FCRL1: variants seen among roughly 807,000 people sequenced by gnomAD.
FCRL1 encodes Fc receptor-like protein 1.
Under a neutral mutation model 49.2 loss-of-function variants are expected in FCRL1, and 34 were observed. That is an observed-to-expected ratio of 0.69 (90% CI 0.53 to 0.92). The LOEUF is 0.92. Ranked by LOEUF, FCRL1 falls within the 40% of genes least tolerant of loss-of-function variation. The pLI is 0.00. For synonymous variants in FCRL1, 218 were observed against 201.6 expected (o/e 1.08, Z -0.69); for missense variants, 524 against 524.1 (o/e 1.00, Z 0.00).
rs890399450 is a variant in FCRL1 at position 157,803,771 on chromosome 1, A to C, written c.319+74T>G. ...TCCTACTCTTGCAGAGATAGAACCC[A>C]TAACAGTGAGGATTAGCCTCTTGCC... On this transcript the variant is annotated intron_variant, in intron 3 of 10. Coordinates refer to ENST00000368176, the MANE Select transcript of FCRL1 (RefSeq NM_052938.5). The C allele has an allele frequency of 3.9e-6, 6 of 1,550,004 alleles. No individual in the cohort carries two copies. The African/African-American group carries it at 6.8e-5, about 18-fold the overall frequency.
rs1275456532 is a variant in FCRL1, at chr1:157,794,760, T to C, written c.*1339A>G. On this transcript the variant is annotated 3_prime_UTR_variant, in exon 11 of 11. Transcript: ENST00000368176. ...TACTTAATGCCACTGAATTGTACACTTAAAAATGGTTAAAATGATCAATTT... is the reference window on the plus strand; with the variant it reads ...TACTTAATGCCACTGAATTGTACACCTAAAAATGGTTAAAATGATCAATTT... The C allele has an allele frequency of 6.6e-6, 1 of 152,152 alleles. No individual in the cohort carries two copies. Among genetic ancestry groups the C allele is most frequent in the African/African-American group, 2.4e-5 (1 of 41,430 alleles). 9.4% of individuals were successfully genotyped at this position (152,152 alleles called of 1,614,324 possible).
chr1:157,812,512 C>T (rs546344993), intron 1 of FCRL1, among the ~76,000 whole-genome samples: 1 of 152,156 alleles, frequency 6.6e-6, no homozygotes, highest in African/African-American at 2.4e-5. Context: ...TGATCTGCTT[C>T]CCAGTATCTG....
At chr1:157,816,441 C>T (rs930793908) in intron 1 of FCRL1, among the ~76,000 whole-genome samples, 2 of 151,774 alleles carry the variant, frequency 1.3e-5, no homozygotes, top group African/African-American at 4.8e-5. Context: ...AGAGATGTAC[C>T]TCAACATAAT....
At chr1:157,808,963 A>G (rs938552627) in intron 1 of FCRL1, among the ~76,000 whole-genome samples, 1 of 152,176 alleles carries the variant, frequency 6.6e-6, no homozygotes, top group Non-Finnish European at 1.5e-5. Context: ...GTTGTGGGGG[A>G]AAATAGGTTA....
chr1:157,813,667 G>A (rs975800033), intron 1 of FCRL1, among the ~76,000 whole-genome samples: 2 of 152,152 alleles, frequency 1.3e-5, no homozygotes, highest in African/African-American at 2.4e-5. Flanking sequence ...GTTTTGGAAA[G>A]CATATTTGAT....
At chr1:157,811,099 G>A (rs944078321) in intron 1 of FCRL1, among the ~76,000 whole-genome samples, 2 of 152,050 alleles carry the variant, frequency 1.3e-5, no homozygotes, top group Admixed American at 1.3e-4. Context: ...CTTTATAAAG[G>A]GAAACAGAAA....
intron 1 of FCRL1, among the ~76,000 whole-genome samples, chr1:157,810,271 G>A (rs1654112488): frequency 6.7e-6 from 1 of 150,286 alleles, no homozygotes; most frequent in Non-Finnish European, 1.5e-5. Context: ...AAGGGAGTGA[G>A]GGCATAAGTA....
chr1:157,807,048 C>G, intron 2 of FCRL1, 54 bp downstream of exon 2: 1 of 1,608,948 alleles, frequency 6.2e-7, no homozygotes, highest in Non-Finnish European at 8.5e-7. Flanking sequence ...CCTGTGCTGA[C>G]CTAAGTAACA....
At position 157,802,604 on chromosome 1, in the gene FCRL1, C is replaced by G; in HGVS notation, c.380G>C (p.Gly127Ala). 1.2e-6 allele frequency: 2 copies of G among 1,614,170 alleles called. No homozygotes were observed. The highest frequency in any genetic ancestry group is 1.7e-6 in the Non-Finnish European group (2 of 1,180,024). ...TQPPGGQVME[G>A]DRLVLICSVA... is the part of the protein sequence containing the mutation. ...TGAGCAGATGAGGACCAGCCTGTCT[C>G]CCTCCATCACCTGTCCTCCTGGGGG... Residue 127 changes from glycine (G) to alanine (A), a missense_variant, in exon 4 of 11, where the codon GGA becomes GCA. Physicochemically the swap from Gly to Ala is moderately conservative, Grantham distance 60. Transcript: ENST00000368176.
Position 157,801,544 on chromosome 1 carries a change from G to A in FCRL1, c.920C>T (p.Ser307Leu). The A allele has an allele frequency of 6.2e-7, 1 of 1,613,990 alleles. No individual in the cohort carries two copies. The highest frequency in any genetic ancestry group is 8.5e-7 in the Non-Finnish European group (1 of 1,179,932). Residue 307 changes from serine (S) to leucine (L), a missense_variant, in exon 6 of 11, where the codon TCA becomes TTA. By Grantham distance (145) the Ser-to-Leu change is moderately radical. Coordinates refer to ENST00000368176, the MANE Select transcript of FCRL1 (RefSeq NM_052938.5). ...PTGARSNHLT[S>L]GVIEGLLSTL... is the part of the protein sequence containing the mutation. ...GCTGAGCAGCCCCTCAATGACTCCT[G>A]AGGTAAGATGATTGCTTCTGGCCCC...
At chr1:157,812,801 A>G (rs922380029) in intron 1 of FCRL1, among the ~76,000 whole-genome samples, 2 of 152,122 alleles carry the variant, frequency 1.3e-5, no homozygotes, top group African/African-American at 2.4e-5. Context: ...TAGTACTACC[A>G]TGCCTGCCTG....
At chr1:157,814,881 G>A (rs1276105455) in intron 1 of FCRL1, among the ~76,000 whole-genome samples, 3 of 151,834 alleles carry the variant, frequency 2.0e-5, no homozygotes, top group South Asian at 2.1e-4. Context: ...ATAATGATAA[G>A]GGGGTGAATT....
intron 1 of FCRL1, among the ~76,000 whole-genome samples, chr1:157,809,154 A>ATT (rs1018181736): frequency 1.3e-5 from 2 of 152,238 alleles, no homozygotes; most frequent in African/African-American, 4.8e-5. Flanking sequence ...ATAAGCTTGC[A>ATT]TTTAAGCTTA....
chr1:157,803,232 T>C (rs1413199592), intron 3 of FCRL1, among the ~76,000 whole-genome samples: 1 of 152,252 alleles, frequency 6.6e-6, no homozygotes, highest in Non-Finnish European at 1.5e-5. Context: ...ATTGAGTTTT[T>C]AGCAAGCGTG....
intron 3 of FCRL1, among the ~76,000 whole-genome samples, chr1:157,802,954 T>C (rs1652781290): frequency 6.6e-6 from 1 of 152,180 alleles, no homozygotes; most frequent in East Asian, 1.9e-4. Flanking sequence ...AACAATAGTA[T>C]AGTGAAGTGA....
intron 1 of FCRL1, among the ~76,000 whole-genome samples, chr1:157,817,072 C>A (rs925270986): frequency 5.9e-5 from 9 of 151,614 alleles, no homozygotes; most frequent in African/African-American, 1.9e-4. Flanking sequence ...GTTAAAATGT[C>A]AATACTACCC....
rs1400707559 is a variant in FCRL1 at position 157,795,004 on chromosome 1, C to G, written c.*1095G>C. The G allele has an allele frequency of 6.6e-6, 1 of 152,162 alleles. No homozygotes were observed. The highest frequency in any genetic ancestry group is 6.5e-5 in the Admixed American group (1 of 15,276). 9.4% of individuals were successfully genotyped at this position (152,162 alleles called of 1,614,324 possible). A position where few individuals can be genotyped will look rare whatever the true frequency, so the allele number is the denominator to read the frequency against. Reference sequence around the variant, plus strand: ...AATAGAAAAATATCTAGAGAGCTACCTGTAAAGTTTTTAACAATAGTTAAC... The same window carrying G: ...AATAGAAAAATATCTAGAGAGCTACGTGTAAAGTTTTTAACAATAGTTAAC... On this transcript the variant is annotated 3_prime_UTR_variant, in exon 11 of 11. Transcript: ENST00000368176.
intron 5 of FCRL1, 85 bp from the exon 6 acceptor site, chr1:157,801,662 A>C: frequency 1.0e-6 from 1 of 998,324 alleles, no homozygotes; most frequent in Non-Finnish European, 1.5e-6. Context: ...GGTTGTGCCC[A>C]AGGTCTGCTC....
chr1:157,814,122 C>T (rs958837573), intron 1 of FCRL1, among the ~76,000 whole-genome samples: 5 of 152,088 alleles, frequency 3.3e-5, no homozygotes, highest in African/African-American at 9.7e-5. Flanking sequence ...ACAATAATTA[C>T]TCCACGAAAA....
Sources: gnomAD v4.1 joint callset for allele counts (sites outside exome capture counted in the v4.1 genomes callset) on GRCh38, gnomAD v4.1.1 for gene constraint, MANE v1.5 for transcripts, NCBI Gene and HGNC (gene_info 2026-07-23, HGNC 2026-07-21) for gene names.